CDH12: variants seen among roughly 807,000 people sequenced by gnomAD.
The protein encoded by CDH12 is cadherin-12.
Under a neutral mutation model 74.1 loss-of-function variants are expected in CDH12, and 41 were observed. The ratio of observed to expected loss-of-function variants is 0.55; its 90% CI spans 0.43 to 0.72. The LOEUF (loss-of-function observed/expected upper bound fraction) is 0.72. Among genes scored for constraint, CDH12 ranks in the 30% least tolerant of loss-of-function variants. The probability of loss-of-function intolerance (pLI) is 0.00; values close to 1 mark genes in which losing one functional copy is unlikely to be tolerated. For synonymous variants in CDH12, 399 were observed against 355.0 expected, an observed-to-expected ratio of 1.12 and a Z score of -1.39; for missense variants, 945 against 977.2, an observed-to-expected ratio of 0.97 and a Z score of 0.44.
At chr5:22,792,340 C>T (rs554822750) in intron 1 of CDH12, among the ~76,000 whole-genome samples, 50 of 152,240 alleles carry the variant, frequency 3.3e-4, no homozygotes, top group Non-Finnish European at 4.1e-4. Context: ...CTGCCTCCGT[C>T]GGCCTCCCAA....
chr5:22,799,958 T>C (rs967708164), intron 1 of CDH12, among the ~76,000 whole-genome samples: 2 of 152,046 alleles, frequency 1.3e-5, no homozygotes, highest in South Asian at 2.1e-4. Context: ...TGAATGTAAA[T>C]GGAGTTTTCA....
chr5:22,099,236 G>A lies in CDH12; in HGVS notation c.-186-20374C>T, dbSNP rs558091779. On this transcript the variant is annotated intron_variant, in intron 4 of 14. Transcript: ENST00000382254. ...CAGTTTGGCCTTCCCACCTCTATAC[G>A]GTCTGATAACAGACCAGCCTTTACT... Among the ~76,000 whole-genome samples the A allele has an allele frequency of 1.0e-3, 158 of 152,042 alleles. 1 individual carries two copies. The highest frequency in any genetic ancestry group is 3.4e-3 in the African/African-American group (141 of 41,454).
intron 10 of CDH12, among the ~76,000 whole-genome samples, chr5:21,796,054 A>G (rs1746761088): frequency 6.6e-6 from 1 of 152,052 alleles, no homozygotes; most frequent in South Asian, 2.1e-4. Context: ...TTTTCTGATT[A>G]TTATTTAAAT....
intron 1 of CDH12, among the ~76,000 whole-genome samples, chr5:22,583,995 G>A (rs1445549509): frequency 6.6e-6 from 1 of 150,840 alleles, no homozygotes. Flanking sequence ...CCCTGGTTCT[G>A]CACTAATGTA....
At chr5:22,352,391 G>A (rs570975829) in intron 3 of CDH12, among the ~76,000 whole-genome samples, 11 of 151,694 alleles carry the variant, frequency 7.3e-5, no homozygotes, top group South Asian at 6.3e-4. Flanking sequence ...TAAAAATTGC[G>A]AAATAAATAA....
At chr5:22,301,725 G>A (rs898245777) in intron 3 of CDH12, among the ~76,000 whole-genome samples, 9 of 150,512 alleles carry the variant, frequency 6.0e-5, no homozygotes, top group Middle Eastern at 3.4e-3. Flanking sequence ...TCCATCCCAC[G>A]GGTTCAAGAG....
At chr5:21,839,177 CAT>C (rs1175714767) in intron 8 of CDH12, among the ~76,000 whole-genome samples, 3 of 152,136 alleles carry the variant, frequency 2.0e-5, no homozygotes, top group African/African-American at 7.2e-5. Context: ...GTGTCGAGAT[CAT>C]ATTAGTCACA....
At position 22,849,918 on chromosome 5, in the gene CDH12, C is replaced by A. The variant is rs192344875; in HGVS notation, c.-523+3140G>T. Reference sequence around the variant, plus strand: ...GATTTAATTTATCCCTTAATACCATCAGCTATAACATGATAGACACAAATC... The same window carrying A: ...GATTTAATTTATCCCTTAATACCATAAGCTATAACATGATAGACACAAATC... On this transcript the variant is annotated intron_variant, in intron 1 of 14. Coordinates refer to ENST00000382254, the MANE Select transcript of CDH12 (RefSeq NM_004061.5). Among the ~76,000 whole-genome samples, 34 of 152,184 alleles carry A rather than the reference C, an allele frequency of 2.2e-4. No individual in the cohort carries two copies. The East Asian group carries it at 4.8e-3, about 22-fold the overall frequency.
chr5:22,822,609 GC>G (rs1328671385), intron 1 of CDH12, among the ~76,000 whole-genome samples: 1 of 152,162 alleles, frequency 6.6e-6, no homozygotes, highest in Non-Finnish European at 1.5e-5. Context: ...AGACATTTAT[GC>G]AGCCAAAAAA....
intron 1 of CDH12, among the ~76,000 whole-genome samples, chr5:22,552,767 T>A (rs1561486243): frequency 6.6e-6 from 1 of 152,266 alleles, no homozygotes; most frequent in South Asian, 2.1e-4. Context: ...ACAGGTATGA[T>A]GAGTTTTCAT....
intron 6 of CDH12, among the ~76,000 whole-genome samples, chr5:21,900,056 C>A (rs1175192639): frequency 6.6e-6 from 1 of 152,022 alleles, no homozygotes; most frequent in African/African-American, 2.4e-5. Context: ...GTTACAGGTA[C>A]TTACAGACCA....
intron 1 of CDH12, among the ~76,000 whole-genome samples, chr5:22,626,557 T>A (rs268999): frequency 6.6e-6 from 1 of 151,816 alleles, no homozygotes; most frequent in Non-Finnish European, 1.5e-5. Flanking sequence ...ATCAAACCCC[T>A]AAGGGCATCA....
intron 2 of CDH12, among the ~76,000 whole-genome samples, chr5:22,453,863 T>C (rs1745150831): frequency 6.6e-6 from 1 of 152,142 alleles, no homozygotes; most frequent in Non-Finnish European, 1.5e-5. Context: ...AAATTATTAC[T>C]AAGTAATCGA....
At chr5:22,553,202 T>C (rs564021326) in intron 1 of CDH12, among the ~76,000 whole-genome samples, 33 of 152,316 alleles carry the variant, frequency 2.2e-4, no homozygotes, top group African/African-American at 7.7e-4. Flanking sequence ...GCAAATGCTA[T>C]GACACCCAAA....
chr5:22,366,886 C>A (rs1741056017), intron 3 of CDH12, among the ~76,000 whole-genome samples: 1 of 152,162 alleles, frequency 6.6e-6, no homozygotes, highest in Non-Finnish European at 1.5e-5. Context: ...CTGCCATTTA[C>A]TGGATGTGTC....
chr5:22,663,841 A>T (rs982062965), intron 1 of CDH12, among the ~76,000 whole-genome samples: 1 of 152,112 alleles, frequency 6.6e-6, no homozygotes, highest in Non-Finnish European at 1.5e-5. Flanking sequence ...TTATATATAA[A>T]ATCTCAAAGT....
intron 2 of CDH12, among the ~76,000 whole-genome samples, chr5:22,493,019 G>A (rs1045240268): frequency 3.9e-5 from 6 of 152,078 alleles, no homozygotes; most frequent in African/African-American, 7.2e-5. Flanking sequence ...CTGAAGCCAC[G>A]GTGGTGTTCA....
intron 1 of CDH12, among the ~76,000 whole-genome samples, chr5:22,773,649 G>A (rs999321732): frequency 1.1e-4 from 16 of 151,896 alleles, no homozygotes; most frequent in African/African-American, 3.6e-4. Flanking sequence ...TAGACAAGTG[G>A]GACCTAAACT....
At chr5:22,417,973 AAAAACTTTATTTAATTTTATTTT>A (rs1743472453) in intron 2 of CDH12, among the ~76,000 whole-genome samples, 1 of 152,166 alleles carries the variant, frequency 6.6e-6, no homozygotes, top group South Asian at 2.1e-4. Context: ...TACCCTTTTT[AAAAACTTTATTTAATTTTATTTT>A]AAGTTCTTAA....
Sources: gnomAD v4.1 joint callset for allele counts (sites outside exome capture counted in the v4.1 genomes callset) on GRCh38, gnomAD v4.1.1 for gene constraint, MANE v1.5 for transcripts, NCBI Gene and HGNC (gene_info 2026-07-23, HGNC 2026-07-21) for gene names.